WWOX: variants seen among roughly 807,000 people sequenced by gnomAD.
WWOX encodes the protein WW domain-containing oxidoreductase.
WWOX carries 69 observed loss-of-function variants against 46.2 expected under a neutral mutation model. That is an observed-to-expected ratio of 1.49 (90% CI 1.23 to 1.82). WWOX has a LOEUF of 1.82. Ranked by LOEUF, WWOX falls within the 40% of genes most tolerant of loss-of-function variation. The pLI is 0.00. For synonymous variants in WWOX, 359 were observed against 202.6 expected (o/e 1.77, Z -6.56); for missense variants, 919 against 542.6 (o/e 1.69, Z -6.89).
intron 4 of WWOX, among the ~76,000 whole-genome samples, chr16:78,120,528 C>G (rs934973251): frequency 1.3e-4 from 19 of 151,760 alleles, no homozygotes; most frequent in African/African-American, 4.6e-4. Flanking sequence ...TGAGATTGCG[C>G]CACTGCAGTC....
chr16:78,428,716 A>T (rs147129037), intron 7 of WWOX, among the ~76,000 whole-genome samples: 20 of 152,300 alleles, frequency 1.3e-4, no homozygotes, highest in Non-Finnish European at 2.5e-4. Context: ...TCTTAACAGT[A>T]GAAAATCACT....
chr16:78,484,501 CTTA>C (rs1334799298), intron 8 of WWOX, among the ~76,000 whole-genome samples: 1 of 152,152 alleles, frequency 6.6e-6, no homozygotes, highest in Admixed American at 6.5e-5. Flanking sequence ...TACAGTAAGA[CTTA>C]TTAGCTGCAT....
At chr16:78,926,449 G>C (rs1014121822) in intron 8 of WWOX, among the ~76,000 whole-genome samples, 1 of 151,992 alleles carries the variant, frequency 6.6e-6, no homozygotes, top group Non-Finnish European at 1.5e-5. Context: ...AATTTCTCTT[G>C]GTTACTGAAA....
chr16:78,508,310 C>CTCT (rs2085268608), intron 8 of WWOX, among the ~76,000 whole-genome samples: 1 of 112,796 alleles, frequency 8.9e-6, no homozygotes, highest in Non-Finnish European at 1.6e-5. Flanking sequence ...TGCGCCCGGC[C>CTCT]TTTTTTTTTT....
chr16:78,421,922 C>G (rs990742081), intron 6 of WWOX, among the ~76,000 whole-genome samples: 1 of 152,138 alleles, frequency 6.6e-6, no homozygotes, highest in East Asian at 1.9e-4. Flanking sequence ...TCTCATGATA[C>G]ATGTTTTCAA....
At chr16:78,366,711 A>G (rs2081543229) in intron 5 of WWOX, among the ~76,000 whole-genome samples, 1 of 152,212 alleles carries the variant, frequency 6.6e-6, no homozygotes, top group Non-Finnish European at 1.5e-5. Flanking sequence ...TGAAAAATCT[A>G]AAATGCTTAC....
intron 8 of WWOX, chr16:79,205,539 C>G (rs1034357404): frequency 6.6e-6 from 1 of 152,222 alleles, no homozygotes; most frequent in Admixed American, 6.5e-5. Context: ...AACACTTTCT[C>G]ACACTTCTAA....
At chr16:78,429,246 GCA>G (rs904598058) in intron 7 of WWOX, among the ~76,000 whole-genome samples, 1 of 152,202 alleles carries the variant, frequency 6.6e-6, no homozygotes, top group African/African-American at 2.4e-5. Flanking sequence ...CAGAAGGATG[GCA>G]CAGTGAGCCT....
rs149441364 is a variant in WWOX at position 78,323,788 on chromosome 16, T to G, written c.517-63072T>G. On this transcript the variant is annotated intron_variant, in intron 5 of 8. Transcript: ENST00000566780. ...GCTCCTGTAACATATATTTTCTTTT[T>G]CCTTTGTCCGGCATACTTGACTAAT... 1.7e-3 allele frequency among the ~76,000 whole-genome samples: 258 copies of G among 152,300 alleles called. 1 individual carries two copies. Among genetic ancestry groups the G allele is most frequent in the African/African-American group, 5.9e-3 (244 of 41,574 alleles).
intron 8 of WWOX, among the ~76,000 whole-genome samples, chr16:79,061,516 C>G (rs796188785): frequency 7.2e-5 from 11 of 152,146 alleles, no homozygotes; most frequent in Non-Finnish European, 1.6e-4. Context: ...GATACCCATT[C>G]AACAATTAGA....
chr16:78,547,035 C>T (rs1053867481), intron 8 of WWOX, among the ~76,000 whole-genome samples: 6 of 144,394 alleles, frequency 4.2e-5, no homozygotes, highest in Middle Eastern at 3.4e-3. Flanking sequence ...GGCTGAGGTT[C>T]GAGGGTTGCT....
chr16:78,603,562 C>T (rs1022018676), intron 8 of WWOX, among the ~76,000 whole-genome samples: 1 of 152,108 alleles, frequency 6.6e-6, no homozygotes, highest in African/African-American at 2.4e-5. Flanking sequence ...GGCGTGGTGG[C>T]AGCCACCTGT....
At chr16:78,271,856 C>G (rs2079482855) in intron 5 of WWOX, among the ~76,000 whole-genome samples, 3 of 152,090 alleles carry the variant, frequency 2.0e-5, no homozygotes, top group Admixed American at 1.3e-4. Context: ...TCACACAGCC[C>G]AAAGAGCATG....
At chr16:78,953,190 A>G (rs975489962) in intron 8 of WWOX, among the ~76,000 whole-genome samples, 41 of 152,058 alleles carry the variant, frequency 2.7e-4, no homozygotes, top group African/African-American at 9.4e-4. Context: ...ACCAGGCAGG[A>G]TAACTATCTA....
intron 8 of WWOX, among the ~76,000 whole-genome samples, chr16:78,629,796 A>C (rs2046386361): frequency 6.6e-6 from 1 of 152,222 alleles, no homozygotes; most frequent in Admixed American, 6.5e-5. Flanking sequence ...TATTTCTTTG[A>C]ACTCATTCCA....
intron 5 of WWOX, among the ~76,000 whole-genome samples, chr16:78,238,532 A>C (rs1368308405): frequency 6.6e-6 from 1 of 152,120 alleles, no homozygotes; most frequent in Non-Finnish European, 1.5e-5. Flanking sequence ...TCATATTTTC[A>C]CTGAAGAAAT....
intron 8 of WWOX, among the ~76,000 whole-genome samples, chr16:78,519,011 G>A (rs2043294794): frequency 6.6e-6 from 1 of 152,214 alleles, no homozygotes; most frequent in Admixed American, 6.5e-5. Context: ...CTACTGGCAA[G>A]TGGATAGGTC....
At chr16:78,890,533 A>G (rs564141837) in intron 8 of WWOX, 15 of 152,312 alleles carry the variant, frequency 9.8e-5, no homozygotes, top group African/African-American at 3.6e-4. Flanking sequence ...AATGGTGCTG[A>G]TGTCTTCACT....
At chr16:78,767,556 C>G (rs944152052) in intron 8 of WWOX, among the ~76,000 whole-genome samples, 6 of 151,922 alleles carry the variant, frequency 3.9e-5, no homozygotes, top group Non-Finnish European at 7.4e-5. Context: ...ATTCAGATCT[C>G]TGCTTTCGAT....
Sources: gnomAD v4.1 joint callset for allele counts (sites outside exome capture counted in the v4.1 genomes callset) on GRCh38, gnomAD v4.1.1 for gene constraint, MANE v1.5 for transcripts, NCBI Gene and HGNC (gene_info 2026-07-23, HGNC 2026-07-21) for gene names.